CDC20B: variants seen among roughly 807,000 people sequenced by gnomAD.
CDC20B encodes the protein cell division cycle protein 20 homolog B.
Under a neutral mutation model 64.1 loss-of-function variants are expected in CDC20B, and 58 were observed. The ratio of observed to expected loss-of-function variants is 0.90; its 90% CI spans 0.73 to 1.13. The LOEUF is 1.13. Among genes scored for constraint, CDC20B ranks in the 50% most tolerant of loss-of-function variants. The pLI, the probability that CDC20B is intolerant of heterozygous loss-of-function variation, is 0.00. For missense variants in CDC20B, 597 were observed against 633.0 expected (o/e 0.94, Z 0.61); for synonymous variants, 243 against 230.6 (o/e 1.05, Z -0.49).
At position 55,165,153 on chromosome 5, in the gene CDC20B, T is replaced by C. The variant is rs1744312752; in HGVS notation, c.126+7435A>G. 3 of 152,196 alleles carry C rather than the reference T, an allele frequency of 2.0e-5. No homozygotes were observed. In the South Asian group the frequency reaches 6.2e-4, roughly 32 times the overall value. The allele number at this position is 152,196 out of a possible 1,614,324, so 9.4% of individuals were successfully genotyped here. A position where few individuals can be genotyped will look rare whatever the true frequency, so the allele number is the denominator to read the frequency against. ...TGCATCATTCTGATAGCTGAAATAG[T>C]AAAAGTCAACTCCAAACAGCCTAAA... On this transcript the variant is annotated intron_variant, in intron 2 of 11. Transcript: ENST00000381375.
chr5:55,119,753 G>T (rs1742711517), intron 11 of CDC20B, 48 bp downstream of exon 11: 1 of 1,127,598 alleles, frequency 8.9e-7, no homozygotes. Flanking sequence ...CCCAACAACA[G>T]CTCACTTTGC....
At chr5:55,167,206 GAGA>G (rs1190184582) in intron 2 of CDC20B, 1 of 152,196 alleles carries the variant, frequency 6.6e-6, no homozygotes, top group African/African-American at 2.4e-5. Flanking sequence ...TTGGTGCGTA[GAGA>G]AGAATACTTC....
intron 5 of CDC20B, among the ~76,000 whole-genome samples, chr5:55,138,198 T>C (rs1349102368): frequency 1.3e-5 from 2 of 149,898 alleles, no homozygotes; most frequent in African/African-American, 4.9e-5. Flanking sequence ...GCTCACTCTG[T>C]CGCCCAGGCT....
At position 55,146,749 on chromosome 5, in the gene CDC20B, C is replaced by G. The variant is rs200376474; in HGVS notation, c.234G>C (p.Gln78His). The change falls in exon 3 of 12, where the codon CAG (glutamine) becomes CAC (histidine). Residue 78 changes from glutamine to histidine, a missense_variant. Physicochemically the swap from Gln to His is conservative, Grantham distance 24. This residue lies in a region of CDC20B where 241 missense variants were observed against 219.2 expected (regional missense o/e 1.10). Coordinates refer to ENST00000381375, the MANE Select transcript of CDC20B (RefSeq NM_001170402.1). ...AGGACAGAGCCCTAGTTTGACTTTG[C>G]TGCCACCTTGTGGTAATGGGGCTAC... The part of the protein sequence containing the change: ...VASSPITTRW[Q>H]QSQTRALSSD... 1.9e-5 allele frequency: 30 copies of G among 1,614,012 alleles called. No homozygotes were observed. The highest frequency in any genetic ancestry group is 2.5e-5 in the Non-Finnish European group (30 of 1,180,032).
intron 11 of CDC20B, among the ~76,000 whole-genome samples, chr5:55,115,055 G>A (rs1742591201): frequency 6.6e-6 from 1 of 151,992 alleles, no homozygotes; most frequent in Non-Finnish European, 1.5e-5. Flanking sequence ...ACATATCCCA[G>A]CCTTCCCCCA....
intron 2 of CDC20B, chr5:55,167,025 A>G (rs1357928883): frequency 1.3e-5 from 2 of 152,190 alleles, no homozygotes; most frequent in African/African-American, 4.8e-5. Flanking sequence ...GCGAGACCCC[A>G]TCTTAAAGAC....
chr5:55,134,170 G>A (rs747070025), intron 5 of CDC20B, among the ~76,000 whole-genome samples: 4 of 152,056 alleles, frequency 2.6e-5, no homozygotes, highest in African/African-American at 9.7e-5. Flanking sequence ...ACCACAGGCC[G>A]CTGTCTTTTC....
chr5:55,137,551 T>C (rs576630556), intron 5 of CDC20B: 1 of 456,738 alleles, frequency 2.2e-6, no homozygotes, highest in South Asian at 1.5e-5. Context: ...GAGCCTTGCA[T>C]AGAGTATTCA....
intron 6 of CDC20B, among the ~76,000 whole-genome samples, chr5:55,129,666 A>T (rs1580342823): frequency 6.6e-6 from 1 of 152,346 alleles, no homozygotes; most frequent in Admixed American, 6.5e-5. Flanking sequence ...AAATCACCTT[A>T]GTAAAGGCTT....
intron 2 of CDC20B, chr5:55,161,165 G>T: frequency 6.2e-7 from 1 of 1,614,192 alleles, no homozygotes; most frequent in Non-Finnish European, 8.5e-7. Context: ...AGAATCTTTT[G>T]CAAGAAAAAA....
chr5:55,131,147 A>G (rs1178505113), intron 6 of CDC20B, among the ~76,000 whole-genome samples: 1 of 152,166 alleles, frequency 6.6e-6, no homozygotes, highest in African/African-American at 2.4e-5. Flanking sequence ...CCTCCCTCAA[A>G]AAACAATAAC....
chr5:55,143,818 G>T (rs372181403), intron 3 of CDC20B, among the ~76,000 whole-genome samples, 175 bp from the exon 4 acceptor site: 37 of 151,846 alleles, frequency 2.4e-4, no homozygotes, highest in South Asian at 2.1e-3. Context: ...GGCTCTCGTC[G>T]CTCCAAAGTC....
At position 55,172,623 on chromosome 5, in the gene CDC20B, C is replaced by T. The variant is rs759797202; in HGVS notation, c.91G>A (p.Asp31Asn). ...TCTTGACTTCTCTTCTGCTTCAAGT[C>T]TTTGGAGAGCACACGCATGATACTT... Reference protein sequence around the residue: ...WESIMRVLSKDLKQKRSQDSA... With the variant: ...WESIMRVLSKNLKQKRSQDSA... Residue 31 changes from aspartate to asparagine, a missense_variant, in exon 2 of 12, where the codon GAC (aspartate) becomes AAC (asparagine). Asp to Asn is a conservative substitution (Grantham distance 23). This residue lies in a region of CDC20B where 241 missense variants were observed against 219.2 expected (regional missense o/e 1.10). Coordinates refer to ENST00000381375, the MANE Select transcript of CDC20B (RefSeq NM_001170402.1). The T allele has an allele frequency of 6.2e-7, 1 of 1,613,410 alleles. No homozygotes were observed. The highest frequency in any genetic ancestry group is 8.5e-7 in the Non-Finnish European group (1 of 1,179,450).
At position 55,120,609 on chromosome 5, in the gene CDC20B, A is replaced by ATG. The variant is rs550552899; in HGVS notation, c.1216-61_1216-60dup. The ATG allele has an allele frequency of 1.2e-4, 198 of 1,595,626 alleles. 2 individuals carry two copies. The East Asian group carries it at 4.0e-3, about 32-fold the overall frequency. ...AGCTTCAAAGGAGGTGCACTCATGA[A>ATG]TGTGATGCACTTAGGTAAGCAGCAA... is the stretch of plus-strand genomic sequence containing the variant. On this transcript the variant is annotated intron_variant, in intron 9 of 11. Transcript: ENST00000381375.
At position 55,173,047 on chromosome 5, in the gene CDC20B, T is replaced by C; in HGVS notation, c.-47A>G. ...CTGGCGTTTGGCCTCTCTGCTCGAC[T>C]GCCTCTGGTTTTCTTCCCAGGTCTA... On this transcript the variant is annotated 5_prime_UTR_variant, in exon 1 of 12. Transcript: ENST00000381375. 6.5e-7 allele frequency: 1 copy of C among 1,546,990 alleles called. No homozygotes were observed. Among genetic ancestry groups the C allele is most frequent in the Non-Finnish European group, 8.8e-7 (1 of 1,131,510 alleles).
intron 4 of CDC20B, among the ~76,000 whole-genome samples, chr5:55,142,981 G>A (rs993617224): frequency 8.6e-5 from 13 of 151,960 alleles, no homozygotes; most frequent in South Asian, 2.1e-4. Flanking sequence ...AAAGATTTAC[G>A]TCAGACTCCT....
chr5:55,134,832 T>C (rs1473666229), intron 5 of CDC20B, among the ~76,000 whole-genome samples: 2 of 152,220 alleles, frequency 1.3e-5, no homozygotes, highest in African/African-American at 4.8e-5. Context: ...TGATTCCAAC[T>C]ATATGACATT....
At chr5:55,128,710 T>C in intron 6 of CDC20B, 93 bp from the exon 7 acceptor site, 1 of 874,316 alleles carries the variant, frequency 1.1e-6, no homozygotes. Flanking sequence ...AAAAGAATAA[T>C]ACCATCCCCA....
At position 55,128,550 on chromosome 5, in the gene CDC20B, G is replaced by A; in HGVS notation, c.765C>T (p.Ile255=). The change falls in exon 7 of 12, where the codon ATC becomes ATT. Residue 255 remains isoleucine, a synonymous_variant. Coordinates refer to ENST00000381375, the MANE Select transcript of CDC20B (RefSeq NM_001170402.1). ...VAIALGSAVY[I]WNGENHNGIE... is the part of the protein sequence containing the mutation. ...TCCCATTGTGGTTCTCCCCATTCCA[G>A]ATGTATACAGCAGAGCCCAGGGCTA... 1 of 1,610,236 alleles carries A rather than the reference G, an allele frequency of 6.2e-7. No individual in the cohort carries two copies. Among genetic ancestry groups the A allele is most frequent in the South Asian group, 1.1e-5 (1 of 90,132 alleles).
Sources: gnomAD v4.1 joint callset for allele counts (sites outside exome capture counted in the v4.1 genomes callset) on GRCh38, gnomAD v4.1.1 for gene constraint, gnomAD v4.1.1 regional missense constraint, MANE v1.5 for transcripts, NCBI Gene and HGNC (gene_info 2026-07-23, HGNC 2026-07-21) for gene names.